Variants in GRIN2B observed in about 807,000 individuals in gnomAD.
GRIN2B encodes the protein glutamate receptor ionotropic, NMDA 2B.
Under a neutral mutation model 114.5 loss-of-function variants are expected in GRIN2B, and 5 were observed. That is an observed-to-expected ratio of 0.04 (90% CI 0.02 to 0.09). The LOEUF (loss-of-function observed/expected upper bound fraction) is 0.09, where lower values mean the gene tolerates loss of function less well. Ranked by LOEUF, GRIN2B falls within the 10% of genes least tolerant of loss-of-function variation. The pLI is 1.00. For synonymous variants in GRIN2B, 787 were observed against 745.1 expected, an observed-to-expected ratio of 1.06 and a Z score of -0.92; for missense variants, 1,108 against 1,943.5, an observed-to-expected ratio of 0.57 and a Z score of 8.08.
At chr12:13,675,649 A>G in intron 5 of GRIN2B, 96 bp downstream of exon 5, 6 of 798,540 alleles carry the variant, frequency 7.5e-6, no homozygotes, top group Non-Finnish European at 1.1e-5. Flanking sequence ...CCACAGGTCT[A>G]GGGACAAAAG....
intron 2 of GRIN2B, among the ~76,000 whole-genome samples, chr12:13,958,294 T>C (rs961100534): frequency 1.3e-5 from 2 of 152,124 alleles, no homozygotes; most frequent in African/African-American, 2.4e-5. Flanking sequence ...GCAACAGGGT[T>C]CAATGGAAAG....
At chr12:13,875,889 G>T (rs1000862702) in intron 2 of GRIN2B, among the ~76,000 whole-genome samples, 2 of 152,114 alleles carry the variant, frequency 1.3e-5, no homozygotes, top group African/African-American at 4.8e-5. Context: ...AACCTGCTAG[G>T]AGACAGGATC....
chr12:13,633,978 T>C (rs1565483781), intron 5 of GRIN2B, among the ~76,000 whole-genome samples: 1 of 151,994 alleles, frequency 6.6e-6, no homozygotes. Context: ...TTATGGATAA[T>C]AAAAAATGTG....
intron 2 of GRIN2B, among the ~76,000 whole-genome samples, chr12:13,927,132 G>A (rs947578338): frequency 1.3e-5 from 2 of 152,044 alleles, no homozygotes; most frequent in Admixed American, 1.3e-4. Flanking sequence ...CCTGAAAGAG[G>A]ATATTGAAAA....
At chr12:13,812,731 G>A (rs1338370663) in intron 3 of GRIN2B, among the ~76,000 whole-genome samples, 1 of 152,054 alleles carries the variant, frequency 6.6e-6, no homozygotes, top group Non-Finnish European at 1.5e-5. Context: ...GGTAAGATCA[G>A]ATATGTCGAT....
intron 2 of GRIN2B, among the ~76,000 whole-genome samples, chr12:13,908,986 C>G (rs1440583778): frequency 6.6e-6 from 1 of 152,168 alleles, no homozygotes; most frequent in African/African-American, 2.4e-5. Flanking sequence ...AAGAAGGAGT[C>G]CTGGGATTGT....
chr12:13,838,186 A>G (rs1027475019), intron 3 of GRIN2B, among the ~76,000 whole-genome samples: 6 of 152,182 alleles, frequency 3.9e-5, no homozygotes, highest in African/African-American at 7.2e-5. Context: ...AAAATGAGAA[A>G]GGAAAACAAG....
intron 12 of GRIN2B, among the ~76,000 whole-genome samples, chr12:13,569,026 T>A (rs1373262906): frequency 1.3e-5 from 2 of 152,178 alleles, no homozygotes; most frequent in Non-Finnish European, 2.9e-5. Flanking sequence ...TCTGGGCACA[T>A]AAAGAGCAGA....
At chr12:13,603,968 T>G (rs146406304) in intron 10 of GRIN2B, among the ~76,000 whole-genome samples, 1 of 152,118 alleles carries the variant, frequency 6.6e-6, no homozygotes, top group Non-Finnish European at 1.5e-5. Flanking sequence ...CCAAATAGCA[T>G]ACACAGAGCA....
At chr12:13,766,316 G>A (rs1033747612) in intron 3 of GRIN2B, among the ~76,000 whole-genome samples, 5 of 152,234 alleles carry the variant, frequency 3.3e-5, no homozygotes, top group Non-Finnish European at 7.3e-5. Flanking sequence ...TAAGAATGGT[G>A]AGAAGAGAGG....
At chr12:13,611,661 G>A (rs567819179) in intron 9 of GRIN2B, 64 bp downstream of exon 9, 39 of 1,504,436 alleles carry the variant, frequency 2.6e-5, no homozygotes, top group African/African-American at 2.3e-4. Context: ...CAAATGAGGA[G>A]TCCAGAGATT....
At chr12:13,845,766 A>G (rs148190206) in intron 3 of GRIN2B, among the ~76,000 whole-genome samples, 22 of 152,262 alleles carry the variant, frequency 1.4e-4, no homozygotes, top group African/African-American at 4.6e-4. Context: ...GGGGATGAAA[A>G]TAGAGTGTGC....
chr12:13,640,524 A>G (rs951695306), intron 5 of GRIN2B, among the ~76,000 whole-genome samples: 1 of 151,772 alleles, frequency 6.6e-6, no homozygotes, highest in East Asian at 1.9e-4. Context: ...CCCCCTCTCT[A>G]TTGTATAGTT....
intron 2 of GRIN2B, among the ~76,000 whole-genome samples, chr12:13,926,900 C>T (rs7979946): frequency 0.028 from 4,187 of 151,306 alleles, 199 homozygotes; most frequent in African/African-American, 0.096. Context: ...TTGCAGTGAG[C>T]CAAGATCACA....
chr12:13,658,498 G>A (rs2136524358), intron 5 of GRIN2B, among the ~76,000 whole-genome samples: 1 of 151,918 alleles, frequency 6.6e-6, no homozygotes, highest in South Asian at 2.1e-4. Context: ...ATACATTTAA[G>A]ACCACGGTTT....
chr12:13,812,528 A>G (rs1264295638), intron 3 of GRIN2B, among the ~76,000 whole-genome samples: 2 of 151,896 alleles, frequency 1.3e-5, no homozygotes, highest in East Asian at 1.9e-4. Context: ...GACATTTTCC[A>G]TGAGCAAAAT....
chr12:13,890,757 C>G (rs1866245805), intron 2 of GRIN2B, among the ~76,000 whole-genome samples: 1 of 152,028 alleles, frequency 6.6e-6, no homozygotes, highest in African/African-American at 2.4e-5. Flanking sequence ...ATGGAAGGGC[C>G]CATGAAATTA....
intron 4 of GRIN2B, among the ~76,000 whole-genome samples, chr12:13,726,261 A>T (rs547811127): frequency 1.3e-5 from 2 of 152,118 alleles, no homozygotes; most frequent in Non-Finnish European, 2.9e-5. Context: ...ATTGTCGGGC[A>T]CATTGGTTCA....
chr12:13,692,137 G>GT (rs1249070932), intron 4 of GRIN2B, among the ~76,000 whole-genome samples: 1 of 152,144 alleles, frequency 6.6e-6, no homozygotes, highest in African/African-American at 2.4e-5. Flanking sequence ...ACTTTCCCAA[G>GT]TTTTTTCAGC....
Sources: gnomAD v4.1 joint callset for allele counts (sites outside exome capture counted in the v4.1 genomes callset) on GRCh38, gnomAD v4.1.1 for gene constraint, MANE v1.5 for transcripts, NCBI Gene and HGNC (gene_info 2026-07-23, HGNC 2026-07-21) for gene names.